The following GABRG3 variants were observed in gnomAD, a reference collection of about 807,000 sequenced individuals.
The protein encoded by GABRG3 is gamma-aminobutyric acid receptor subunit gamma-3.
A neutral mutation model predicts 48.8 loss-of-function variants in GABRG3; 25 were observed. That is an observed-to-expected ratio of 0.51 (90% CI 0.37 to 0.72). The LOEUF is 0.72. Among genes scored for constraint, GABRG3 ranks in the 30% least tolerant of loss-of-function variants. The probability of loss-of-function intolerance (pLI) is 0.00; values close to 1 mark genes in which losing one functional copy is unlikely to be tolerated. For synonymous variants in GABRG3, 227 were observed against 217.6 expected (o/e 1.04, Z -0.38); for missense variants, 394 against 577.9 (o/e 0.68, Z 3.26).
rs1891649508 is a variant in GABRG3 at position 27,540,928 on chromosome 15, AGAAAG to A, written c.*8050_*8054del. 6.6e-6 allele frequency: 1 copy of A among 152,258 alleles called. No individual in the cohort carries two copies. The highest frequency in any genetic ancestry group is 2.4e-5 in the African/African-American group (1 of 41,456). The allele number at this position is 152,258 out of a possible 1,614,324, so 9.4% of individuals were successfully genotyped here. ...CACCCCAAATTTAGCTGAAACAAGT[AGAAAG>A]GAGCGCAGTTTTCTAGCGATAGCGT... On this transcript the variant is annotated 3_prime_UTR_variant, in exon 10 of 10. Coordinates refer to ENST00000615808, the MANE Select transcript of GABRG3 (RefSeq NM_033223.5).
chr15:27,013,570 C>G (rs997424778), intron 2 of GABRG3, among the ~76,000 whole-genome samples: 1 of 151,982 alleles, frequency 6.6e-6, no homozygotes. Flanking sequence ...AGAGTGCTAA[C>G]CTCATTCTTT....
At chr15:27,040,522 A>T (rs1312556723) in intron 3 of GABRG3, among the ~76,000 whole-genome samples, 3 of 152,168 alleles carry the variant, frequency 2.0e-5, no homozygotes, top group Non-Finnish European at 2.9e-5. Flanking sequence ...GGAAAATTTG[A>T]TTTTATAATA....
intron 3 of GABRG3, among the ~76,000 whole-genome samples, chr15:27,089,823 T>G (rs1271777497): frequency 1.3e-5 from 2 of 152,220 alleles, no homozygotes; most frequent in Admixed American, 6.5e-5. Context: ...ACTGGCTTCT[T>G]TCACTCAGCA....
rs193258539 is a variant in GABRG3, at chr15:27,180,056, G to A, written c.271-146753G>A. On this transcript the variant is annotated intron_variant, in intron 3 of 9. Transcript: ENST00000615808. This position sits in a 1 kb window ranked among gnomAD's most constrained non-coding sequence, Gnocchi z 4.2. ...CCTTCTGCAGAGCCACTGCCTGATC[G>A]AACATCTCTGTGAGTCTTGGCCTTC... Among the ~76,000 whole-genome samples, 202 of 152,270 alleles carry A rather than the reference G, an allele frequency of 1.3e-3. No homozygotes were observed. The highest frequency in any genetic ancestry group is 3.4e-3 in the Middle Eastern group (1 of 294).
At chr15:27,005,395 T>C (rs573452883) in intron 2 of GABRG3, among the ~76,000 whole-genome samples, 65 of 152,306 alleles carry the variant, frequency 4.3e-4, no homozygotes, top group African/African-American at 1.4e-3. Context: ...AATGAAGCAG[T>C]GTGCTTTGAG....
At chr15:27,507,006 A>G (rs190690082) in intron 6 of GABRG3, among the ~76,000 whole-genome samples, 11 of 152,152 alleles carry the variant, frequency 7.2e-5, no homozygotes, top group African/African-American at 2.7e-4. Context: ...GTGTTACACA[A>G]TTTTCATAAA....
chr15:27,259,908 C>T lies in GABRG3; in HGVS notation c.271-66901C>T, dbSNP rs551032378. Among the ~76,000 whole-genome samples, 52 of 152,202 alleles carry T rather than the reference C, an allele frequency of 3.4e-4. 1 individual carries two copies. In the South Asian group the frequency reaches 0.011, roughly 31 times the overall value. On this transcript the variant is annotated intron_variant, in intron 3 of 9. Coordinates refer to ENST00000615808, the MANE Select transcript of GABRG3 (RefSeq NM_033223.5). ...CACAACACCTGTCTGTGAAATTTTG[C>T]GACCCCAGGGATCAAATTCAGCTGT...
In GABRG3 at chr15:27,326,798, C is replaced by T; in HGVS notation, c.271-11C>T. 1 of 1,601,304 alleles carries T rather than the reference C, an allele frequency of 6.2e-7. No individual in the cohort carries two copies. The highest frequency in any genetic ancestry group is 2.2e-5 in the East Asian group (1 of 44,800). On this transcript the variant is annotated splice_polypyrimidine_tract_variant and intron_variant, in intron 3 of 9. Transcript: ENST00000615808. ...TAGAACTGTCTTGCCTCTCCTTCTG[C>T]TCTGTTTCAGGAATACCAAATTGAC...
intron 3 of GABRG3, among the ~76,000 whole-genome samples, chr15:27,256,180 T>A (rs144174401): frequency 1.3e-5 from 2 of 152,166 alleles, no homozygotes; most frequent in Admixed American, 6.5e-5. Flanking sequence ...TGGTGGCTCA[T>A]GCCTGTAATC....
intron 5 of GABRG3, among the ~76,000 whole-genome samples, chr15:27,396,789 T>C (rs1011801897): frequency 1.3e-5 from 2 of 152,068 alleles, no homozygotes; most frequent in African/African-American, 4.8e-5. Flanking sequence ...CATAATGAGA[T>C]GATTTAAAAA....
chr15:27,133,844 G>T (rs1897962811), intron 3 of GABRG3, among the ~76,000 whole-genome samples: 1 of 152,164 alleles, frequency 6.6e-6, no homozygotes, highest in African/African-American at 2.4e-5. Context: ...TCATCTTACG[G>T]TATGCACTTT....
At chr15:27,085,059 C>T (rs749689154) in intron 3 of GABRG3, among the ~76,000 whole-genome samples, 4 of 152,188 alleles carry the variant, frequency 2.6e-5, no homozygotes, top group Non-Finnish European at 5.9e-5. Flanking sequence ...CAGGCTTATT[C>T]GATACTCAGC....
rs576257647 is a variant in GABRG3, at chr15:27,291,861, T to C, written c.271-34948T>C. 3.3e-5 allele frequency among the ~76,000 whole-genome samples: 5 copies of C among 152,328 alleles called. No individual in the cohort carries two copies. In the East Asian group the frequency reaches 9.7e-4, roughly 29 times the overall value. On this transcript the variant is annotated intron_variant, in intron 3 of 9. Transcript: ENST00000615808. ...CTTCTATGTTCAATAAATTTGGGTA[T>C]TGATCAGATGTATGTGTGTGAGAGA...
chr15:27,186,459 G>T (rs947482141), intron 3 of GABRG3, among the ~76,000 whole-genome samples: 3 of 152,172 alleles, frequency 2.0e-5, no homozygotes, highest in African/African-American at 4.8e-5. Flanking sequence ...CATGAATAGT[G>T]CTGTGATAAA....
At chr15:27,367,763 A>G (rs1175791837) in intron 5 of GABRG3, among the ~76,000 whole-genome samples, 1 of 152,168 alleles carries the variant, frequency 6.6e-6, no homozygotes, top group African/African-American at 2.4e-5. Flanking sequence ...ATTAATTATA[A>G]TATCTATTCT....
intron 5 of GABRG3, among the ~76,000 whole-genome samples, chr15:27,400,158 A>C (rs1219147219): frequency 6.6e-6 from 1 of 152,220 alleles, no homozygotes; most frequent in Non-Finnish European, 1.5e-5. Context: ...CGAGAGTTTT[A>C]ACATTTCTTT....
intron 5 of GABRG3, among the ~76,000 whole-genome samples, chr15:27,383,645 A>G (rs1895841379): frequency 6.6e-6 from 1 of 152,132 alleles, no homozygotes; most frequent in East Asian, 1.9e-4. Flanking sequence ...TGGGTCACCT[A>G]GTGTTTGTGA....
intron 3 of GABRG3, among the ~76,000 whole-genome samples, chr15:27,261,585 G>A (rs900036560): frequency 2.0e-5 from 3 of 150,318 alleles, no homozygotes; most frequent in Admixed American, 1.3e-4. Flanking sequence ...GAATATGAAG[G>A]TGTGTAATTA....
chr15:27,432,262 C>A (rs572091273), intron 5 of GABRG3, among the ~76,000 whole-genome samples: 1 of 152,290 alleles, frequency 6.6e-6, no homozygotes, highest in South Asian at 2.1e-4. Flanking sequence ...TTTCCTTCAT[C>A]CTACCTTCGT....
Sources: gnomAD v4.1 joint callset for allele counts (sites outside exome capture counted in the v4.1 genomes callset) on GRCh38, gnomAD v4.1.1 for gene constraint, Gnocchi (gnomAD v3.1) non-coding constraint, MANE v1.5 for transcripts, NCBI Gene and HGNC (gene_info 2026-07-23, HGNC 2026-07-21) for gene names.